The following ABCA13 variants were observed in gnomAD, a reference collection of about 807,000 sequenced individuals.
ABCA13 encodes the protein ATP-binding cassette sub-family A member 13.
A neutral mutation model predicts 478.7 loss-of-function variants in ABCA13; 476 were observed. The observed-to-expected ratio is 0.99, with a 90% CI of 0.92 to 1.07. The LOEUF is 1.07. Among genes scored for constraint, ABCA13 ranks in the 50% least tolerant of loss-of-function variants. The probability of loss-of-function intolerance (pLI) is 0.00; values close to 1 mark genes in which losing one functional copy is unlikely to be tolerated. For synonymous variants in ABCA13, 2,252 were observed against 2,158.9 expected, an observed-to-expected ratio of 1.04 and a Z score of -1.20; for missense variants, 6,060 against 5,910.6, an observed-to-expected ratio of 1.03 and a Z score of -0.83.
At chr7:48,492,435 C>G (rs1179698671) in intron 48 of ABCA13, among the ~76,000 whole-genome samples, 31 of 152,156 alleles carry the variant, frequency 2.0e-4, no homozygotes. Context: ...TGAAATTCAT[C>G]CATATATTTA....
Position 48,275,382 on chromosome 7 carries a change from G to C in ABCA13, c.5716G>C (p.Val1906Leu). The C allele has an allele frequency of 1.2e-6, 2 of 1,613,968 alleles. No individual in the cohort carries two copies. Among genetic ancestry groups the C allele is most frequent in the Non-Finnish European group, 1.7e-6 (2 of 1,179,876 alleles). Residue 1906 changes from valine to leucine, a missense_variant, in exon 17 of 62, where the codon GTC becomes CTC. Val to Leu is a conservative substitution (Grantham distance 32). Transcript: ENST00000435803. Reference sequence around the variant, plus strand: ...TTCTATTCTTCTGGAGCTCTCTGAAGTCTTCCATGTTAACATTTCTCTTGT... The same window carrying C: ...TTCTATTCTTCTGGAGCTCTCTGAACTCTTCCATGTTAACATTTCTCTTGT... Reference protein sequence around the residue: ...WNSILLELSEVFHVNISLVKT... With the variant: ...WNSILLELSELFHVNISLVKT...
At chr7:48,617,885 A>G (rs1336603340) in intron 59 of ABCA13, among the ~76,000 whole-genome samples, 3 of 152,140 alleles carry the variant, frequency 2.0e-5, no homozygotes, top group Non-Finnish European at 4.4e-5. Flanking sequence ...AAAAATGAGG[A>G]GCCACAGAAA....
At chr7:48,504,996 A>G (rs185833815) in intron 48 of ABCA13, among the ~76,000 whole-genome samples, 3 of 152,322 alleles carry the variant, frequency 2.0e-5, no homozygotes, top group African/African-American at 7.2e-5. Flanking sequence ...AGACCACACA[A>G]TTCAGTTCAT....
At chr7:48,585,685 G>A (rs1432741661) in intron 56 of ABCA13, among the ~76,000 whole-genome samples, 1 of 151,814 alleles carries the variant, frequency 6.6e-6, no homozygotes, top group Non-Finnish European at 1.5e-5. Context: ...CAGTTATTTG[G>A]GATGCACAAT....
chr7:48,292,040 T>C (rs13241768), intron 20 of ABCA13, among the ~76,000 whole-genome samples: 11,816 of 152,212 alleles, frequency 0.078, 570 homozygotes, highest in East Asian at 0.22. Flanking sequence ...GGGAATCTTA[T>C]GCAGATTCAT....
chr7:48,337,867 A>G (rs1157811030), intron 28 of ABCA13, among the ~76,000 whole-genome samples: 2 of 152,262 alleles, frequency 1.3e-5, no homozygotes, highest in African/African-American at 4.8e-5. Flanking sequence ...AGTCACAACC[A>G]TCAATAATAA....
chr7:48,374,359 A>G lies in ABCA13; in HGVS notation c.11146A>G (p.Thr3716Ala). The G allele has an allele frequency of 1.2e-6, 2 of 1,610,146 alleles. No individual in the cohort carries two copies. The highest frequency in any genetic ancestry group is 1.1e-5 in the South Asian group (1 of 89,740). The change falls in exon 34 of 62, where the codon ACA (threonine) becomes GCA (alanine). Residue 3716 changes from threonine (T) to alanine (A), a missense_variant. Coordinates refer to ENST00000435803, the MANE Select transcript of ABCA13 (RefSeq NM_152701.5). ...AATCTGTGGGCAGTGCCTTCTTTCG[A>G]CAACCGCCTTTGGACAAGGGGTATT... Reference protein sequence around the residue: ...VNQTFLCLLSTTAFGQGVFFI... With the variant: ...VNQTFLCLLSATAFGQGVFFI...
intron 55 of ABCA13, among the ~76,000 whole-genome samples, chr7:48,554,821 A>ATTT (rs1174957397): frequency 3.0e-5 from 4 of 132,280 alleles, no homozygotes; most frequent in African/African-American, 6.6e-5. Flanking sequence ...TATTATTATT[A>ATTT]TTTATTATTA....
At chr7:48,378,015 C>T (rs2129038526) in intron 35 of ABCA13, among the ~76,000 whole-genome samples, 1 of 152,240 alleles carries the variant, frequency 6.6e-6, no homozygotes, top group African/African-American at 2.4e-5. Context: ...GCTCTTGGGG[C>T]AATATTTTTC....
At chr7:48,509,658 C>T (rs1240763253) in intron 50 of ABCA13, among the ~76,000 whole-genome samples, 1 of 152,162 alleles carries the variant, frequency 6.6e-6, no homozygotes, top group Admixed American at 6.5e-5. Context: ...TCATTCTCTG[C>T]TTATTCTATT....
chr7:48,375,831 A>G (rs1288580256), intron 34 of ABCA13, among the ~76,000 whole-genome samples: 1 of 152,158 alleles, frequency 6.6e-6, no homozygotes, highest in Non-Finnish European at 1.5e-5. Flanking sequence ...TAGAAACAAA[A>G]AATGGAAACT....
chr7:48,277,925 T>C (rs1175484447), intron 17 of ABCA13, among the ~76,000 whole-genome samples, 169 bp from the exon 18 acceptor site: 2 of 152,174 alleles, frequency 1.3e-5, no homozygotes. Context: ...CAACAAAATA[T>C]TGAGTTTCAT....
At chr7:48,216,234 C>T (rs1424632616) in intron 3 of ABCA13, among the ~76,000 whole-genome samples, 1 of 152,194 alleles carries the variant, frequency 6.6e-6, no homozygotes, top group Admixed American at 6.5e-5. Flanking sequence ...GCTTCAATTA[C>T]TCCACATTCT....
chr7:48,618,391 T>G lies in ABCA13; in HGVS notation c.14837+3014T>G, dbSNP rs1792804453. 2.0e-5 allele frequency among the ~76,000 whole-genome samples: 3 copies of G among 152,352 alleles called. No individual in the cohort carries two copies. In the South Asian group the frequency reaches 6.2e-4, roughly 32 times the overall value. On this transcript the variant is annotated intron_variant, in intron 59 of 61. Transcript: ENST00000435803. Reference sequence around the variant, plus strand: ...ACAGAGCATTAACACCCCAGCATCCTGCTTCATTCCTGGACTGACCTCATC... The same window carrying G: ...ACAGAGCATTAACACCCCAGCATCCGGCTTCATTCCTGGACTGACCTCATC...
chr7:48,559,575 T>A (rs1786234617), intron 55 of ABCA13, among the ~76,000 whole-genome samples: 1 of 152,084 alleles, frequency 6.6e-6, no homozygotes, highest in African/African-American at 2.4e-5. Flanking sequence ...CATCTTTCCT[T>A]TGCCCTCTGC....
chr7:48,236,923 G>A (rs1396619316), intron 8 of ABCA13, among the ~76,000 whole-genome samples: 1 of 151,452 alleles, frequency 6.6e-6, no homozygotes, highest in Non-Finnish European at 1.5e-5. Flanking sequence ...TATTGCAGTA[G>A]AGAAAGGGTT....
chr7:48,172,842 A>G (rs995006757), intron 1 of ABCA13, among the ~76,000 whole-genome samples: 2 of 146,784 alleles, frequency 1.4e-5, no homozygotes, highest in Non-Finnish European at 3.0e-5. Flanking sequence ...AAAAGTTTTA[A>G]GTTCAGGAAT....
chr7:48,320,627 T>C (rs531835306), intron 27 of ABCA13, among the ~76,000 whole-genome samples: 81 of 147,310 alleles, frequency 5.5e-4, no homozygotes, highest in African/African-American at 1.9e-3. Flanking sequence ...GTAGACACAA[T>C]GTGAGCTTGA....
chr7:48,526,828 A>G (rs1489027390), intron 54 of ABCA13, among the ~76,000 whole-genome samples: 1 of 152,208 alleles, frequency 6.6e-6, no homozygotes, highest in Admixed American at 6.5e-5. Flanking sequence ...CCATCTAGAA[A>G]TTAATAATCA....
Sources: gnomAD v4.1 joint callset for allele counts (sites outside exome capture counted in the v4.1 genomes callset) on GRCh38, gnomAD v4.1.1 for gene constraint, MANE v1.5 for transcripts, NCBI Gene and HGNC (gene_info 2026-07-23, HGNC 2026-07-21) for gene names.